CEP290: variants seen among roughly 807,000 people sequenced by gnomAD.
CEP290 encodes the protein centrosomal protein 290, also known as centrosomal protein of 290 kDa.
A neutral mutation model predicts 344.9 loss-of-function variants in CEP290; 317 were observed. The observed-to-expected ratio is 0.92, with a 90% CI of 0.84 to 1.01. The LOEUF (loss-of-function observed/expected upper bound fraction) is 1.01. Ranked by LOEUF, CEP290 falls within the 50% of genes least tolerant of loss-of-function variation. CEP290 has a pLI of 0.00. For missense variants in CEP290, 2,754 were observed against 2,761.4 expected (o/e 1.00, Z 0.06); for synonymous variants, 932 against 895.8 (o/e 1.04, Z -0.72).
chr12:88,114,120 C>T (rs1053520850), intron 20 of CEP290, among the ~76,000 whole-genome samples: 2 of 151,994 alleles, frequency 1.3e-5, no homozygotes, highest in Admixed American at 1.3e-4. Context: ...AAAGAGTCAG[C>T]AAAAACGAGC....
chr12:88,116,897 C>A, intron 18 of CEP290, 136 bp downstream of exon 18: 2 of 468,370 alleles, frequency 4.3e-6, no homozygotes, highest in South Asian at 5.1e-5. Flanking sequence ...TGGCATGAAC[C>A]CGGGAGGCGG....
Position 88,130,581 on chromosome 12 carries a change from G to A in CEP290, c.496-16C>T. The A allele has an allele frequency of 1.3e-6, 2 of 1,551,722 alleles. No individual in the cohort carries two copies. The highest frequency in any genetic ancestry group is 4.7e-5 in the East Asian group (2 of 42,762). ...GACGTTTGTTCTACAGAAAAGGACA[G>A]GAAAACGGTAATTAGAAATGAGAAA... is the stretch of plus-strand genomic sequence containing the variant. On this transcript the variant is annotated splice_polypyrimidine_tract_variant and intron_variant, in intron 7 of 53. Coordinates refer to ENST00000552810, the MANE Select transcript of CEP290 (RefSeq NM_025114.4).
chr12:88,113,335 T>C (rs1158412724), intron 20 of CEP290, among the ~76,000 whole-genome samples: 1 of 152,004 alleles, frequency 6.6e-6, no homozygotes, highest in Non-Finnish European at 1.5e-5. Context: ...TAAAGAATCA[T>C]TTTAGACATT....
At position 88,111,324 on chromosome 12, in the gene CEP290, G is replaced by A. The variant is rs2038674474; in HGVS notation, c.2245C>T (p.Leu749Phe). The A allele has an allele frequency of 1.6e-5, 25 of 1,560,306 alleles. No individual in the cohort carries two copies. The highest frequency in any genetic ancestry group is 2.2e-5 in the Non-Finnish European group (25 of 1,154,234). ...TTTGATCCTTCTGATTGTCGTAAAA[G>A]ACTAGTTTCTTTTTCAAGATGGTCT... ...KIDHLEKETS[L>F]LRQSEGSNVV... Residue 749 changes from leucine to phenylalanine, a missense_variant, in exon 22 of 54, where the codon CTT becomes TTT. Physicochemically the swap from Leu to Phe is conservative, Grantham distance 22. Coordinates refer to ENST00000552810, the MANE Select transcript of CEP290 (RefSeq NM_025114.4).
chr12:88,090,770 G>C lies in CEP290; in HGVS notation c.3531C>G (p.Asp1177Glu), dbSNP rs1397801155. 1 of 1,563,016 alleles carries C rather than the reference G, an allele frequency of 6.4e-7. No individual in the cohort carries two copies. Among genetic ancestry groups the C allele is most frequent in the Non-Finnish European group, 8.7e-7 (1 of 1,151,656 alleles). Residue 1177 changes from aspartate (D) to glutamate (E), a missense_variant, in exon 30 of 54, where the codon GAC (aspartate) becomes GAG (glutamate). Asp to Glu is a conservative substitution (Grantham distance 45, BLOSUM62 2). Coordinates refer to ENST00000552810, the MANE Select transcript of CEP290 (RefSeq NM_025114.4). ...EILNAQQQSR[D>E]KEVESLRMQL... is the part of the protein sequence containing the mutation. ...GCATTCTGAGGGACTCTACTTCCTTGTCCCTAGATTGTTGTTGTGCATTCA... is the reference window on the plus strand; with the variant it reads ...GCATTCTGAGGGACTCTACTTCCTTCTCCCTAGATTGTTGTTGTGCATTCA...
intron 52 of CEP290, among the ~76,000 whole-genome samples, chr12:88,051,391 G>C (rs1226854045): frequency 6.6e-6 from 1 of 151,928 alleles, no homozygotes; most frequent in Non-Finnish European, 1.5e-5. Flanking sequence ...TAGAGACAGG[G>C]TTTCACCATG....
intron 25 of CEP290, among the ~76,000 whole-genome samples, chr12:88,106,239 T>A (rs969503648): frequency 6.6e-6 from 1 of 152,126 alleles, no homozygotes; most frequent in African/African-American, 2.4e-5. Flanking sequence ...CAGGAACAAG[T>A]AAAATGACAC....
chr12:88,072,864 C>T (rs1050314436), intron 41 of CEP290, among the ~76,000 whole-genome samples: 1 of 151,770 alleles, frequency 6.6e-6, no homozygotes, highest in Non-Finnish European at 1.5e-5. Flanking sequence ...AGGGAGCAAA[C>T]GATACAGATA....
chr12:88,099,794 C>T (rs1406060430), intron 26 of CEP290, among the ~76,000 whole-genome samples: 4 of 152,044 alleles, frequency 2.6e-5, no homozygotes, highest in African/African-American at 9.7e-5. Flanking sequence ...TCTTTCTATC[C>T]ATTTTTTTCT....
intron 26 of CEP290, among the ~76,000 whole-genome samples, chr12:88,100,004 G>A (rs1027900365): frequency 2.0e-5 from 3 of 151,596 alleles, no homozygotes; most frequent in African/African-American, 7.3e-5. Context: ...AACAGGCTGG[G>A]CACAGTGGCT....
chr12:88,139,581 G>T lies in CEP290; in HGVS notation c.181-17C>A, dbSNP rs772605831. 3 of 1,534,712 alleles carry T rather than the reference G, an allele frequency of 2.0e-6. No individual in the cohort carries two copies. The African/African-American group carries it at 4.2e-5, about 21-fold the overall frequency. On this transcript the variant is annotated splice_polypyrimidine_tract_variant and intron_variant, in intron 3 of 53. Transcript: ENST00000552810. ...AGCTTTCATCTAAACATTAAAAAAA[G>T]GTTATTTCAATATGCCTTTATACTG...
At chr12:88,112,560 C>T (rs1019377661) in intron 20 of CEP290, among the ~76,000 whole-genome samples, 3 of 152,054 alleles carry the variant, frequency 2.0e-5, no homozygotes, top group Non-Finnish European at 4.4e-5. Flanking sequence ...AGTATATACA[C>T]ACAATGCACA....
intron 44 of CEP290, 148 bp from the exon 45 acceptor site, chr12:88,064,263 A>G (rs1202466813): frequency 4.8e-6 from 3 of 620,788 alleles, no homozygotes; most frequent in Non-Finnish European, 7.9e-6. Flanking sequence ...AAAGCCAAAA[A>G]TAAATAAGTT....
intron 24 of CEP290, 41 bp downstream of exon 24, chr12:88,106,955 T>G: frequency 1.9e-6 from 3 of 1,547,674 alleles, no homozygotes; most frequent in Non-Finnish European, 2.6e-6. Context: ...TATCCTACTT[T>G]GTACAATATT....
chr12:88,063,870 T>C (rs1340493284), intron 45 of CEP290, 111 bp downstream of exon 45: 3 of 848,810 alleles, frequency 3.5e-6, no homozygotes, highest in East Asian at 5.5e-5. Context: ...ATCACCATGA[T>C]ATATTAGGAA....
At position 88,131,237 on chromosome 12, in the gene CEP290, A is replaced by AAAAT; in HGVS notation, c.442-23_442-20dup. On this transcript the variant is annotated intron_variant, in intron 6 of 53. Transcript: ENST00000552810. ...GAGCCAACTAAAATAGTAAAAAAAAAAAATAAATAAGAAGAAGATAAAATT... is the reference window on the plus strand; with the variant it reads ...GAGCCAACTAAAATAGTAAAAAAAAAAAATAAATAAATAAGAAGAAGATAAAATT... 1 of 1,457,908 alleles carries AAAAT rather than the reference A, an allele frequency of 6.9e-7. No homozygotes were observed. Among genetic ancestry groups the AAAAT allele is most frequent in the Non-Finnish European group, 9.0e-7 (1 of 1,105,190 alleles). The allele number at this position is 1,457,908 out of a possible 1,614,324, so 90.3% of individuals were successfully genotyped here. A position where few individuals can be genotyped will look rare whatever the true frequency, so the allele number is the denominator to read the frequency against.
chr12:88,120,264 A>C lies in CEP290; in HGVS notation c.1372T>G (p.Leu458Val). ...LKDYESGVYG[L>V]EDAVVEIKNC... ...TTTATTTCAACGACAGCATCTTCTA[A>C]ACCATATACTCCCTGAAAAATATCC... is the stretch of plus-strand genomic sequence containing the variant. The change falls in exon 15 of 54, where the codon TTA becomes GTA. Residue 458 changes from leucine (L) to valine (V), a missense_variant. Leu to Val is a conservative substitution (Grantham distance 32, BLOSUM62 1). Coordinates refer to ENST00000552810, the MANE Select transcript of CEP290 (RefSeq NM_025114.4). 1 of 1,385,454 alleles carries C rather than the reference A, an allele frequency of 7.2e-7. No individual in the cohort carries two copies. Among genetic ancestry groups the C allele is most frequent in the Non-Finnish European group, 9.7e-7 (1 of 1,035,608 alleles). 85.8% of individuals were successfully genotyped at this position (1,385,454 alleles called of 1,614,324 possible).
chr12:88,071,282 A>C lies in CEP290; in HGVS notation c.6011+12T>G. ...ATTACAATGGGTGGCACATTTCCACATAATAGCTTACCTCATATACAATAT... is the reference window on the plus strand; with the variant it reads ...ATTACAATGGGTGGCACATTTCCACCTAATAGCTTACCTCATATACAATAT... On this transcript the variant is annotated intron_variant, in intron 43 of 53. Transcript: ENST00000552810. 5 of 1,592,700 alleles carry C rather than the reference A, an allele frequency of 3.1e-6. No individual in the cohort carries two copies. The highest frequency in any genetic ancestry group is 4.3e-6 in the Non-Finnish European group (5 of 1,165,790).
At position 88,080,342 on chromosome 12, in the gene CEP290, T is replaced by G; in HGVS notation, c.5066A>C (p.Asp1689Ala). ...EVKKVKAEVE[D>A]LKYLLDQSQK... Reference sequence around the variant, plus strand: ...TGACTGGTCCAGAAGATACTTTAAATCCTCTACTTCCGCTTTTACTTTTTT... The same window carrying G: ...TGACTGGTCCAGAAGATACTTTAAAGCCTCTACTTCCGCTTTTACTTTTTT... The change falls in exon 38 of 54, where the codon GAT becomes GCT. Residue 1689 changes from aspartate to alanine, a missense_variant. By Grantham distance (126) the Asp-to-Ala change is moderately radical. Transcript: ENST00000552810. 1 of 1,613,760 alleles carries G rather than the reference T, an allele frequency of 6.2e-7. No individual in the cohort carries two copies. The highest frequency in any genetic ancestry group is 8.5e-7 in the Non-Finnish European group (1 of 1,179,790).
Sources: gnomAD v4.1 joint callset for allele counts (sites outside exome capture counted in the v4.1 genomes callset) on GRCh38, gnomAD v4.1.1 for gene constraint, MANE v1.5 for transcripts, NCBI Gene and HGNC (gene_info 2026-07-23, HGNC 2026-07-21) for gene names.